Variants in ALOX5 observed in about 807,000 individuals in gnomAD.
The protein encoded by ALOX5 is polyunsaturated fatty acid 5-lipoxygenase.
Under a neutral mutation model 87.9 loss-of-function variants are expected in ALOX5, and 64 were observed. The observed-to-expected ratio is 0.73, with a 90% CI of 0.60 to 0.90. The LOEUF (loss-of-function observed/expected upper bound fraction) is 0.90. Ranked by LOEUF, ALOX5 falls within the 40% of genes least tolerant of loss-of-function variation. The pLI is 0.00. For missense variants in ALOX5, 822 were observed against 907.5 expected (o/e 0.91, Z 1.21); for synonymous variants, 388 against 355.1 (o/e 1.09, Z -1.04).
At chr10:45,428,414 T>C (rs1841803811) in intron 6 of ALOX5, 2 of 616,504 alleles carry the variant, frequency 3.2e-6, no homozygotes, top group African/African-American at 1.8e-5. Context: ...CATTCCTTCA[T>C]CTTACCCCGA....
chr10:45,396,030 C>A (rs1389546187), intron 3 of ALOX5, 94 bp downstream of exon 3: 1 of 1,309,894 alleles, frequency 7.6e-7, no homozygotes, highest in Non-Finnish European at 1.1e-6. Context: ...CAGTGTATGG[C>A]CTGTCACTGC....
chr10:45,387,075 GGCTTT>G (rs1352344183), intron 2 of ALOX5, among the ~76,000 whole-genome samples: 1 of 152,106 alleles, frequency 6.6e-6, no homozygotes, highest in Non-Finnish European at 1.5e-5. Flanking sequence ...CCGTGTGGAG[GGCTTT>G]CCTGCATTCT....
intron 2 of ALOX5, among the ~76,000 whole-genome samples, chr10:45,384,168 G>A (rs1482876151): frequency 6.6e-6 from 1 of 152,200 alleles, no homozygotes; most frequent in East Asian, 1.9e-4. Flanking sequence ...CCTGGAGACA[G>A]CACCCTTGGA....
intron 4 of ALOX5, among the ~76,000 whole-genome samples, chr10:45,419,236 C>A (rs868861873): frequency 6.6e-6 from 1 of 152,216 alleles, no homozygotes; most frequent in African/African-American, 2.4e-5. Flanking sequence ...GCAGGGAGGC[C>A]GGGCGAGCGC....
chr10:45,443,427 AG>A lies in ALOX5; in HGVS notation c.1465del (p.Val489TrpfsTer2). 1.9e-6 allele frequency: 3 copies of A among 1,606,618 alleles called. No individual in the cohort carries two copies. The highest frequency in any genetic ancestry group is 2.5e-6 in the Non-Finnish European group (3 of 1,176,932). On this transcript the variant is annotated frameshift_variant, in exon 11 of 14. Coordinates refer to ENST00000374391, the MANE Select transcript of ALOX5 (RefSeq NM_000698.5). LOFTEE classifies it high-confidence loss of function. ...VWEAIRTFTA[E>X]VVDIYYEGDQ... ...GCCCCCTGAGCCAGGTTCACGGCCG[AG>A]GTGGTAGACATCTACTACGAGGGCG...
At chr10:45,411,654 G>C (rs1841067989) in intron 3 of ALOX5, among the ~76,000 whole-genome samples, 1 of 152,174 alleles carries the variant, frequency 6.6e-6, no homozygotes, top group Non-Finnish European at 1.5e-5. Context: ...TTAGCCATCT[G>C]TGCCTGGGTC....
chr10:45,409,561 C>G (rs1486885539), intron 3 of ALOX5, among the ~76,000 whole-genome samples: 2 of 150,294 alleles, frequency 1.3e-5, no homozygotes, highest in East Asian at 3.9e-4. Context: ...TGCTTTCTCT[C>G]TCTCTCTTTC....
chr10:45,406,164 G>A (rs1840876564), intron 3 of ALOX5, among the ~76,000 whole-genome samples: 1 of 152,092 alleles, frequency 6.6e-6, no homozygotes, highest in Non-Finnish European at 1.5e-5. Flanking sequence ...GTAAAATGAG[G>A]GAAATAACAG....
intron 8 of ALOX5, 133 bp from the exon 9 acceptor site, chr10:45,441,211 A>AC (rs1457309187): frequency 1.4e-6 from 1 of 732,242 alleles, no homozygotes; most frequent in Non-Finnish European, 2.4e-6. Flanking sequence ...AAAGATCAGC[A>AC]CCCAGCCTTC....
rs761032132 is a variant in ALOX5, at chr10:45,443,516, A to C, written c.1552A>C (p.Met518Leu). The C allele has an allele frequency of 1.2e-6, 2 of 1,612,664 alleles. No individual in the cohort carries two copies. The highest frequency in any genetic ancestry group is 1.7e-6 in the Non-Finnish European group (2 of 1,179,390). The change falls in exon 11 of 14, where the codon ATG (methionine) becomes CTG (leucine). Residue 518 changes from methionine to leucine, a missense_variant. Physicochemically the swap from Met to Leu is conservative, Grantham distance 15. Coordinates refer to ENST00000374391, the MANE Select transcript of ALOX5 (RefSeq NM_000698.5). ...CGTGAACGATGTCTACGTGTACGGCATGCGGGGCCGCAAGTCCTCAGGTAG... is the reference window on the plus strand; with the variant it reads ...CGTGAACGATGTCTACGTGTACGGCCTGCGGGGCCGCAAGTCCTCAGGTAG... ...DFVNDVYVYGMRGRKSSGFPK... is the reference protein window; with the variant it reads ...DFVNDVYVYGLRGRKSSGFPK...
At chr10:45,429,088 T>C (rs1324917052) in intron 7 of ALOX5, among the ~76,000 whole-genome samples, 1 of 152,112 alleles carries the variant, frequency 6.6e-6, no homozygotes, top group Admixed American at 6.5e-5. Context: ...TGGACTAAGC[T>C]GGAGACCAAG....
chr10:45,397,413 A>C lies in ALOX5; in HGVS notation c.431+1477A>C, dbSNP rs79267994. ...CAAAAAAAGAAAATTCACAGTTAAC[A>C]TTATACTTAATGATGAAAGGCTGAA... On this transcript the variant is annotated intron_variant, in intron 3 of 13. Transcript: ENST00000374391. Among the ~76,000 whole-genome samples the C allele has an allele frequency of 3.4e-3, 517 of 152,314 alleles. 3 individuals are homozygous for C. The highest frequency in any genetic ancestry group is 0.012 in the African/African-American group (491 of 41,562).
At position 45,443,483 on chromosome 10, in the gene ALOX5, C is replaced by CAGG; in HGVS notation, c.1521_1523dup (p.Gln507_Asp508insGlu). Reference sequence around the variant, plus strand: ...GGTGGTGGAGGAGGACCCGGAGCTGCAGGACTTCGTGAACGATGTCTACGT... The same window carrying CAGG: ...GGTGGTGGAGGAGGACCCGGAGCTGCAGGAGGACTTCGTGAACGATGTCTACGT... On this transcript the variant is annotated inframe_insertion, in exon 11 of 14. Coordinates refer to ENST00000374391, the MANE Select transcript of ALOX5 (RefSeq NM_000698.5). 1 of 1,613,196 alleles carries CAGG rather than the reference C, an allele frequency of 6.2e-7. No homozygotes were observed. The highest frequency in any genetic ancestry group is 8.5e-7 in the Non-Finnish European group (1 of 1,179,578).
In ALOX5 at chr10:45,425,592, C is replaced by T. The variant is rs951795772; in HGVS notation, c.834+460C>T. On this transcript the variant is annotated intron_variant, in intron 6 of 13. Coordinates refer to ENST00000374391, the MANE Select transcript of ALOX5 (RefSeq NM_000698.5). The surrounding 1 kb of genome is among the most constrained non-coding windows in gnomAD (Gnocchi z 4.4). The stretch of plus-strand genomic sequence containing the variant: ...AACCCAACAGAATGGTTGATTTTCT[C>T]GTTAGAAATGCTGCTGCCCATGCTC... Among the ~76,000 whole-genome samples the T allele has an allele frequency of 6.6e-6, 1 of 152,170 alleles. No individual in the cohort carries two copies. Among genetic ancestry groups the T allele is most frequent in the African/African-American group, 2.4e-5 (1 of 41,440 alleles).
At chr10:45,426,821 G>T (rs1199586691) in intron 6 of ALOX5, among the ~76,000 whole-genome samples, 2 of 152,044 alleles carry the variant, frequency 1.3e-5, no homozygotes, top group Non-Finnish European at 2.9e-5. Flanking sequence ...TCCTTAGGAG[G>T]GTTTCCTTAT....
chr10:45,374,530 G>T, intron 1 of ALOX5, 101 bp downstream of exon 1: 1 of 1,210,334 alleles, frequency 8.3e-7, no homozygotes, highest in Non-Finnish European at 1.1e-6. Flanking sequence ...GCCCGTCGGG[G>T]CGGCCCGGAC....
At chr10:45,421,127 A>G (rs1841492066) in intron 4 of ALOX5, among the ~76,000 whole-genome samples, 1 of 152,246 alleles carries the variant, frequency 6.6e-6, no homozygotes, top group African/African-American at 2.4e-5. Flanking sequence ...TTCTTTTTAC[A>G]AAAGCGGGTC....
chr10:45,395,961 G>A, intron 3 of ALOX5, 25 bp downstream of exon 3: 1 of 1,603,330 alleles, frequency 6.2e-7, no homozygotes, highest in Non-Finnish European at 8.5e-7. Flanking sequence ...CAGATCGAGT[G>A]GCCACGGGGC....
Position 45,375,435 on chromosome 10 carries a change from C to T in ALOX5, c.150+1006C>T, listed in dbSNP as rs572342106. Among the ~76,000 whole-genome samples the T allele has an allele frequency of 5.3e-5, 8 of 152,272 alleles. No individual in the cohort carries two copies. The South Asian group carries it at 1.4e-3, about 28-fold the overall frequency. On this transcript the variant is annotated intron_variant, in intron 1 of 13. Coordinates refer to ENST00000374391, the MANE Select transcript of ALOX5 (RefSeq NM_000698.5). Reference sequence around the variant, plus strand: ...AATAGTCCCAGACATACTGCAGGTGCGCAGGGAATATCAGTTCCCTTCCAC... The same window carrying T: ...AATAGTCCCAGACATACTGCAGGTGTGCAGGGAATATCAGTTCCCTTCCAC...
Sources: gnomAD v4.1 joint callset for allele counts (sites outside exome capture counted in the v4.1 genomes callset) on GRCh38, gnomAD v4.1.1 for gene constraint, Gnocchi (gnomAD v3.1) non-coding constraint, MANE v1.5 for transcripts, NCBI Gene and HGNC (gene_info 2026-07-23, HGNC 2026-07-21) for gene names.